The following UBE2E1 variants were observed in gnomAD, a reference collection of about 807,000 sequenced individuals.
UBE2E1 encodes the protein ubiquitin-conjugating enzyme E2 E1.
A neutral mutation model predicts 21.4 loss-of-function variants in UBE2E1; 6 were observed. That is an observed-to-expected ratio of 0.28 (90% CI 0.15 to 0.55). The LOEUF (loss-of-function observed/expected upper bound fraction) is 0.55, where lower values mean the gene tolerates loss of function less well. Among genes scored for constraint, UBE2E1 ranks in the 20% least tolerant of loss-of-function variants. UBE2E1 has a pLI of 0.93. For synonymous variants in UBE2E1, 87 were observed against 82.7 expected, an observed-to-expected ratio of 1.05 and a Z score of -0.28; for missense variants, 142 against 236.5, an observed-to-expected ratio of 0.60 and a Z score of 2.62.
Position 23,836,744 on chromosome 3 carries a change from A to T in UBE2E1, c.203+25234A>T, listed in dbSNP as rs774308267. On this transcript the variant is annotated intron_variant, in intron 3 of 5. Transcript: ENST00000306627. This position sits in a 1 kb window ranked among gnomAD's most constrained non-coding sequence, Gnocchi z 4.1. ...GGGTCTTCTGATTCTTAACCATTGTACACTCTCTACCGTGTCCCTCAGGGG... is the reference window on the plus strand; with the variant it reads ...GGGTCTTCTGATTCTTAACCATTGTTCACTCTCTACCGTGTCCCTCAGGGG... Among the ~76,000 whole-genome samples, 10 of 152,172 alleles carry T rather than the reference A, an allele frequency of 6.6e-5. No homozygotes were observed. Among genetic ancestry groups the T allele is most frequent in the Middle Eastern group, 3.2e-3 (1 of 316 alleles).
At chr3:23,883,065 G>A (rs1701092521) in intron 3 of UBE2E1, among the ~76,000 whole-genome samples, 1 of 152,092 alleles carries the variant, frequency 6.6e-6, no homozygotes, top group South Asian at 2.1e-4. Context: ...AGCGAGCGAG[G>A]GCTGCCAGCA....
At chr3:23,846,628 G>A (rs1055819586) in intron 3 of UBE2E1, among the ~76,000 whole-genome samples, 2 of 150,052 alleles carry the variant, frequency 1.3e-5, no homozygotes, top group African/African-American at 2.5e-5. Context: ...CCCAGGGGGC[G>A]GAGGCTGCAG....
At chr3:23,809,645 A>C (rs932991455) in intron 2 of UBE2E1, among the ~76,000 whole-genome samples, 1 of 152,228 alleles carries the variant, frequency 6.6e-6, no homozygotes, top group Admixed American at 6.5e-5. Flanking sequence ...CTTAGGTATT[A>C]AAGAAACAAC....
chr3:23,836,364 A>G lies in UBE2E1; in HGVS notation c.203+24854A>G, dbSNP rs923526509. ...GTTTTCACCTATAATGTATTTACTC[A>G]TTAAACATCAGATGTCTTCCACATG... is the stretch of plus-strand genomic sequence containing the variant. On this transcript the variant is annotated intron_variant, in intron 3 of 5. Coordinates refer to ENST00000306627, the MANE Select transcript of UBE2E1 (RefSeq NM_003341.5). This position sits in a 1 kb window ranked among gnomAD's most constrained non-coding sequence, Gnocchi z 4.1. Among the ~76,000 whole-genome samples, 1 of 152,236 alleles carries G rather than the reference A, an allele frequency of 6.6e-6. No individual in the cohort carries two copies. The highest frequency in any genetic ancestry group is 6.5e-5 in the Admixed American group (1 of 15,290).
At chr3:23,855,072 A>G (rs190901770) in intron 3 of UBE2E1, among the ~76,000 whole-genome samples, 20 of 152,254 alleles carry the variant, frequency 1.3e-4, no homozygotes, top group African/African-American at 2.9e-4. Context: ...TAGAGATTCA[A>G]CTCATTTCAG....
At chr3:23,812,426 A>G (rs568022865) in intron 3 of UBE2E1, among the ~76,000 whole-genome samples, 6 of 152,222 alleles carry the variant, frequency 3.9e-5, no homozygotes, top group Admixed American at 6.5e-5. Context: ...GCTATACACA[A>G]TTTTTAAGAT....
intron 3 of UBE2E1, among the ~76,000 whole-genome samples, chr3:23,862,247 T>C (rs1658257016): frequency 6.6e-6 from 1 of 152,216 alleles, no homozygotes; most frequent in African/African-American, 2.4e-5. Flanking sequence ...TGTAAGGTCC[T>C]CTCTGCTCTG....
chr3:23,859,916 T>A (rs1049517681), intron 3 of UBE2E1, among the ~76,000 whole-genome samples: 1 of 152,220 alleles, frequency 6.6e-6, no homozygotes, highest in South Asian at 2.1e-4. Flanking sequence ...ATATAAGGAT[T>A]TATTTCGTAC....
chr3:23,868,910 C>G (rs562788797), intron 3 of UBE2E1, among the ~76,000 whole-genome samples: 1 of 152,134 alleles, frequency 6.6e-6, no homozygotes, highest in East Asian at 1.9e-4. Flanking sequence ...GTATGTATAC[C>G]TCATTCTTAT....
chr3:23,846,603 C>T (rs940636927), intron 3 of UBE2E1, among the ~76,000 whole-genome samples: 10 of 149,312 alleles, frequency 6.7e-5, no homozygotes, highest in Non-Finnish European at 8.9e-5. Context: ...GGCTGAGGCC[C>T]GGCAATCACT....
Position 23,819,725 on chromosome 3 carries a change from C to T in UBE2E1, c.203+8215C>T, listed in dbSNP as rs1039555215. On this transcript the variant is annotated intron_variant, in intron 3 of 5. Coordinates refer to ENST00000306627, the MANE Select transcript of UBE2E1 (RefSeq NM_003341.5). The stretch of plus-strand genomic sequence containing the variant: ...GAAATTGCTGGGGAAATTGCTGTCA[C>T]ATTTTACAGCTGTCCATTGCTGGCA... 4.6e-5 allele frequency among the ~76,000 whole-genome samples: 7 copies of T among 152,308 alleles called. No homozygotes were observed. In the East Asian group the frequency reaches 1.2e-3, roughly 25 times the overall value.
chr3:23,878,738 C>G (rs1700973812), intron 3 of UBE2E1, among the ~76,000 whole-genome samples: 1 of 152,232 alleles, frequency 6.6e-6, no homozygotes, highest in African/African-American at 2.4e-5. Context: ...GCTACTGTCA[C>G]CCATCACCCC....
intron 3 of UBE2E1, among the ~76,000 whole-genome samples, chr3:23,886,469 C>T (rs1405760495): frequency 6.6e-6 from 1 of 152,162 alleles, no homozygotes; most frequent in Non-Finnish European, 1.5e-5. Flanking sequence ...TTTCTCCCTC[C>T]TTTTTTGCCA....
At position 23,880,827 on chromosome 3, in the gene UBE2E1, G is replaced by T. The variant is rs1365087417; in HGVS notation, c.204-6740G>T. Among the ~76,000 whole-genome samples the T allele has an allele frequency of 1.3e-5, 2 of 152,192 alleles. 1 individual carries two copies. Among genetic ancestry groups the T allele is most frequent in the South Asian group, 4.1e-4 (2 of 4,838 alleles). On this transcript the variant is annotated intron_variant, in intron 3 of 5. Coordinates refer to ENST00000306627, the MANE Select transcript of UBE2E1 (RefSeq NM_003341.5). ...AGTCCAGGGAACACAACAGATTCTA[G>T]TAAGACTGTGCTAATGACAGTCTTT...
Position 23,811,456 on chromosome 3 carries a change from C to A in UBE2E1, c.153-4C>A, listed in dbSNP as rs747261105. The stretch of plus-strand genomic sequence containing the variant: ...GTTTGTCTTTCCCATTTCTCCCACT[C>A]CAGAATTCAGAAGGAGCTGGCGGAC... On this transcript the variant is annotated splice_region_variant and splice_polypyrimidine_tract_variant and intron_variant, in intron 2 of 5. Coordinates refer to ENST00000306627, the MANE Select transcript of UBE2E1 (RefSeq NM_003341.5). 18 of 1,614,042 alleles carry A rather than the reference C, an allele frequency of 1.1e-5. No individual in the cohort carries two copies. Among genetic ancestry groups the A allele is most frequent in the Non-Finnish European group, 1.4e-5 (17 of 1,180,000 alleles).
At chr3:23,846,098 A>G (rs1167527855) in intron 3 of UBE2E1, among the ~76,000 whole-genome samples, 2 of 152,132 alleles carry the variant, frequency 1.3e-5, no homozygotes, top group African/African-American at 4.8e-5. Context: ...TCTCTGTATT[A>G]TTTGGGAAAA....
At chr3:23,831,973 T>C (rs1000618277) in intron 3 of UBE2E1, among the ~76,000 whole-genome samples, 1 of 152,196 alleles carries the variant, frequency 6.6e-6, no homozygotes, top group Admixed American at 6.5e-5. Flanking sequence ...CCCAAAGTGC[T>C]GAGGTTACAG....
intron 3 of UBE2E1, among the ~76,000 whole-genome samples, chr3:23,817,302 A>G (rs887614538): frequency 3.3e-5 from 5 of 151,814 alleles, no homozygotes; most frequent in Admixed American, 1.3e-4. Context: ...CGCGCCCGTA[A>G]TCCCAGCTAC....
At chr3:23,875,260 G>T (rs898125524) in intron 3 of UBE2E1, among the ~76,000 whole-genome samples, 5 of 152,100 alleles carry the variant, frequency 3.3e-5, no homozygotes, top group African/African-American at 1.2e-4. Context: ...TACCTAATAT[G>T]GAAACACTGT....
Sources: allele counts gnomAD v4.1 joint callset (sites outside exome capture counted in the v4.1 genomes callset), GRCh38; gene constraint gnomAD v4.1.1; non-coding constraint Gnocchi (gnomAD v3.1); transcripts MANE v1.5; gene names NCBI Gene and HGNC (gene_info 2026-07-23, HGNC 2026-07-21).